Variants in PRKAG2 observed in about 807,000 individuals in gnomAD.
PRKAG2 encodes the protein protein kinase AMP-activated non-catalytic subunit gamma 2, also known as 5'-AMP-activated protein kinase subunit gamma-2.
A neutral mutation model predicts 69.6 loss-of-function variants in PRKAG2; 26 were observed. The observed-to-expected ratio is 0.37, with a 90% CI of 0.27 to 0.52. The LOEUF is 0.52. Among genes scored for constraint, PRKAG2 ranks in the 20% least tolerant of loss-of-function variants. PRKAG2 has a pLI of 0.90. For missense variants in PRKAG2, 557 were observed against 740.0 expected, an observed-to-expected ratio of 0.75 and a Z score of 2.87; for synonymous variants, 293 against 285.0, an observed-to-expected ratio of 1.03 and a Z score of -0.28.
chr7:151,825,323 C>T (rs1047158996), intron 1 of PRKAG2, among the ~76,000 whole-genome samples: 4 of 152,146 alleles, frequency 2.6e-5, no homozygotes, highest in Non-Finnish European at 4.4e-5. Flanking sequence ...AAATAGGACA[C>T]GATTCTTTGT....
At chr7:151,760,292 A>G (rs1331014209) in intron 3 of PRKAG2, among the ~76,000 whole-genome samples, 1 of 152,180 alleles carries the variant, frequency 6.6e-6, no homozygotes, top group African/African-American at 2.4e-5. Flanking sequence ...GCTAGAGTGC[A>G]ATGGCAGGAT....
chr7:151,670,502 A>G (rs1337622101), intron 4 of PRKAG2, among the ~76,000 whole-genome samples: 2 of 152,232 alleles, frequency 1.3e-5, no homozygotes, highest in Non-Finnish European at 2.9e-5. Flanking sequence ...GGATCACCCT[A>G]AAATGCACAG....
intron 1 of PRKAG2, among the ~76,000 whole-genome samples, chr7:151,830,847 C>G (rs1037416542): frequency 6.6e-6 from 1 of 151,782 alleles, no homozygotes; most frequent in Non-Finnish European, 1.5e-5. Context: ...TTATTCTACA[C>G]ATGTTGTGCT....
At chr7:151,565,315 G>A (rs1434768261) in intron 13 of PRKAG2, 31 bp downstream of exon 13, 2 of 1,353,052 alleles carry the variant, frequency 1.5e-6, no homozygotes, top group Non-Finnish European at 2.1e-6. Flanking sequence ...TGCATTCTAG[G>A]TGACAGATTG....
intron 3 of PRKAG2, among the ~76,000 whole-genome samples, chr7:151,708,330 C>A (rs755834587): frequency 8.5e-5 from 13 of 152,232 alleles, no homozygotes; most frequent in African/African-American, 2.7e-4. Flanking sequence ...TGGTGTCAGG[C>A]CTTGCCCTCA....
intron 4 of PRKAG2, among the ~76,000 whole-genome samples, chr7:151,673,007 T>C (rs1832319257): frequency 6.6e-6 from 1 of 152,086 alleles, no homozygotes; most frequent in East Asian, 1.9e-4. Context: ...GTATAAACAG[T>C]TGGGTTATAA....
intron 11 of PRKAG2, among the ~76,000 whole-genome samples, chr7:151,568,114 T>G (rs561384985): frequency 6.6e-6 from 1 of 152,344 alleles, no homozygotes; most frequent in African/African-American, 2.4e-5. Flanking sequence ...CCTGAGTCTC[T>G]TTTAATGTTT....
intron 3 of PRKAG2, among the ~76,000 whole-genome samples, chr7:151,729,193 A>T (rs1181398951): frequency 2.0e-5 from 3 of 151,980 alleles, no homozygotes; most frequent in Non-Finnish European, 4.4e-5. Flanking sequence ...GCCTCACCAA[A>T]TCCACGGCTG....
intron 3 of PRKAG2, among the ~76,000 whole-genome samples, chr7:151,733,729 C>T (rs78138061): frequency 0.011 from 1,587 of 150,544 alleles, 22 homozygotes; most frequent in African/African-American, 0.028. Context: ...GAGGGTCTTG[C>T]GCTGACTCCC....
chr7:151,682,792 G>A (rs1334586781), intron 3 of PRKAG2, among the ~76,000 whole-genome samples: 2 of 151,452 alleles, frequency 1.3e-5, no homozygotes, highest in Non-Finnish European at 2.9e-5. Context: ...AAGCAGGGGG[G>A]AGCTCAGGGA....
chr7:151,689,443 A>C (rs1053510727), intron 3 of PRKAG2, among the ~76,000 whole-genome samples: 1 of 152,238 alleles, frequency 6.6e-6, no homozygotes, highest in African/African-American at 2.4e-5. Flanking sequence ...AGGGGAGACA[A>C]GAATGCATTG....
rs533634468 is a variant in PRKAG2 at position 151,817,298 on chromosome 7, G to A, written c.115-30757C>T. On this transcript the variant is annotated intron_variant, in intron 1 of 15. Coordinates refer to ENST00000287878, the MANE Select transcript of PRKAG2 (RefSeq NM_016203.4). The stretch of plus-strand genomic sequence containing the variant: ...TCAGAATCAGAAGTGAAAAGGCAAT[G>A]CCTTCCTGAAGCACATCCCCTCGGA... 7.4e-4 allele frequency among the ~76,000 whole-genome samples: 112 copies of A among 152,286 alleles called. 2 individuals are homozygous for A. The South Asian group carries it at 0.022, about 30-fold the overall frequency.
intron 1 of PRKAG2, among the ~76,000 whole-genome samples, chr7:151,802,141 A>G (rs2151839808): frequency 6.6e-6 from 1 of 152,342 alleles, no homozygotes. Flanking sequence ...AAAGTGCAGA[A>G]GATTCTGGGT....
chr7:151,822,393 G>A (rs2151865868), intron 1 of PRKAG2, among the ~76,000 whole-genome samples: 1 of 152,300 alleles, frequency 6.6e-6, no homozygotes, highest in East Asian at 1.9e-4. Context: ...AACTGACCAC[G>A]ATGTACCCAG....
intron 3 of PRKAG2, among the ~76,000 whole-genome samples, chr7:151,675,928 CTA>C (rs1832870498): frequency 6.6e-6 from 1 of 152,136 alleles, no homozygotes; most frequent in Non-Finnish European, 1.5e-5. Flanking sequence ...AAACCAATTT[CTA>C]GTCTCTTAGA....
At chr7:151,568,461 A>G (rs1194347716) in intron 11 of PRKAG2, among the ~76,000 whole-genome samples, 1 of 152,188 alleles carries the variant, frequency 6.6e-6, no homozygotes, top group Non-Finnish European at 1.5e-5. Context: ...AAATGTTTTA[A>G]TTTAAAGAGA....
chr7:151,783,761 A>G (rs117781519), intron 2 of PRKAG2, among the ~76,000 whole-genome samples: 3,445 of 151,588 alleles, frequency 0.023, 77 homozygotes, highest in Non-Finnish European at 0.034. Context: ...AAATACAGAA[A>G]TTAGCCAGGT....
chr7:151,607,979 C>G (rs1256393674), intron 5 of PRKAG2, among the ~76,000 whole-genome samples: 1 of 152,140 alleles, frequency 6.6e-6, no homozygotes, highest in Non-Finnish European at 1.5e-5. Flanking sequence ...TGAGGTTATC[C>G]CGGATTAGGG....
At chr7:151,581,421 C>G (rs1454774632) in intron 6 of PRKAG2, among the ~76,000 whole-genome samples, 1 of 152,160 alleles carries the variant, frequency 6.6e-6, no homozygotes, top group African/African-American at 2.4e-5. Flanking sequence ...TCCAATGGAT[C>G]TAAACCATAG....
Sources: gnomAD v4.1 joint callset for allele counts (sites outside exome capture counted in the v4.1 genomes callset) on GRCh38, gnomAD v4.1.1 for gene constraint, MANE v1.5 for transcripts, NCBI Gene and HGNC (gene_info 2026-07-23, HGNC 2026-07-21) for gene names.